Variants in PCDHA7 observed in about 807,000 individuals in gnomAD.
PCDHA7 encodes the protein protocadherin alpha 7.
PCDHA7 carries 37 observed loss-of-function variants against 57.2 expected under a neutral mutation model. The observed-to-expected ratio is 0.65, with a 90% confidence interval of 0.50 to 0.85. The LOEUF is 0.85. Among genes scored for constraint, PCDHA7 ranks in the 40% least tolerant of loss-of-function variants. The pLI, the probability that PCDHA7 is intolerant of heterozygous loss-of-function variation, is 0.00. For synonymous variants in PCDHA7, 553 were observed against 558.8 expected (o/e 0.99, Z 0.15); for missense variants, 1,188 against 1,241.8 (o/e 0.96, Z 0.65).
At chr5:140,969,224 T>A (rs782172299) in intron 1 of PCDHA7, 1 of 1,614,100 alleles carries the variant, frequency 6.2e-7, no homozygotes, top group East Asian at 2.2e-5. Context: ...ACCAGGGCCT[T>A]CGGGAGCCCA....
intron 2 of PCDHA7, 71 bp downstream of exon 2, chr5:140,979,078 A>C (rs2240296): frequency 3.8e-6 from 6 of 1,583,342 alleles, no homozygotes; most frequent in South Asian, 1.1e-5. Flanking sequence ...CTGCATCTCC[A>C]TAGGCCAGAA....
At chr5:140,884,439 C>T (rs1554181562) in intron 1 of PCDHA7, 1 of 1,613,818 alleles carries the variant, frequency 6.2e-7, no homozygotes, top group Non-Finnish European at 8.5e-7. Flanking sequence ...CTGCGGTGCT[C>T]GGCACCGCCC....
intron 1 of PCDHA7, among the ~76,000 whole-genome samples, chr5:140,945,698 T>C (rs530742031): frequency 3.9e-5 from 6 of 152,046 alleles, no homozygotes; most frequent in Non-Finnish European, 8.8e-5. Flanking sequence ...GTCCACTGAT[T>C]TGCAACAAAA....
In PCDHA7 at chr5:140,869,539, A is replaced by G. The variant is rs782023058; in HGVS notation, c.2355+32801A>G. The G allele has an allele frequency of 2.5e-6, 4 of 1,614,088 alleles. No homozygotes were observed. The South Asian group carries it at 3.3e-5, about 13-fold the overall frequency. On this transcript the variant is annotated intron_variant, in intron 1 of 3. Coordinates refer to ENST00000525929, the MANE Select transcript of PCDHA7 (RefSeq NM_018910.3). ...ACAAAAGCTGCTGATTGCGGAATCT[A>G]AGCAATCGGACTCGCGTTTTCCACT...
At chr5:140,980,354 G>A (rs1387213682) in intron 2 of PCDHA7, among the ~76,000 whole-genome samples, 1 of 152,138 alleles carries the variant, frequency 6.6e-6, no homozygotes, top group Non-Finnish European at 1.5e-5. Flanking sequence ...TTCCTGGACT[G>A]GGCGCGGTGG....
intron 1 of PCDHA7, chr5:140,869,865 T>C (rs782263076): frequency 6.2e-7 from 1 of 1,610,308 alleles, no homozygotes; most frequent in Non-Finnish European, 8.5e-7. Context: ...TTATGGAAAA[T>C]GCTGCTAAAG....
chr5:140,986,355 T>C (rs1381730343), intron 3 of PCDHA7, among the ~76,000 whole-genome samples: 3 of 152,154 alleles, frequency 2.0e-5, no homozygotes, highest in African/African-American at 7.2e-5. Context: ...CTTCTTCAGA[T>C]GGAGGAATGC....
chr5:140,904,742 T>G (rs1300439121), intron 1 of PCDHA7, among the ~76,000 whole-genome samples: 1 of 152,216 alleles, frequency 6.6e-6, no homozygotes, highest in African/African-American at 2.4e-5. Context: ...TTTTTTATTA[T>G]GACCATTTTT....
At chr5:140,988,348 A>T (rs2097293800) in intron 3 of PCDHA7, among the ~76,000 whole-genome samples, 1 of 152,116 alleles carries the variant, frequency 6.6e-6, no homozygotes, top group Admixed American at 6.6e-5. Flanking sequence ...TCCTTTTAAG[A>T]TGCACTTTTA....
chr5:140,884,731 C>T (rs2060333216), intron 1 of PCDHA7: 2 of 1,449,296 alleles, frequency 1.4e-6, no homozygotes, highest in East Asian at 4.9e-5. Flanking sequence ...TTGTTTAAGA[C>T]ATCTTTCCTG....
At chr5:140,967,585 C>T (rs1278675624) in intron 1 of PCDHA7, 1 of 1,614,152 alleles carries the variant, frequency 6.2e-7, no homozygotes, top group Non-Finnish European at 8.5e-7. Flanking sequence ...CACCCCCAGG[C>T]ACATTGGTGG....
At chr5:140,846,453 C>G (rs1465090766) in intron 1 of PCDHA7, among the ~76,000 whole-genome samples, 2 of 138,248 alleles carry the variant, frequency 1.4e-5, no homozygotes, top group Non-Finnish European at 3.1e-5. Flanking sequence ...CGGCTCACTG[C>G]AACCTCTGCC....
At chr5:140,869,140 C>A in intron 1 of PCDHA7, 8 of 1,613,188 alleles carry the variant, frequency 5.0e-6, no homozygotes, top group African/African-American at 1.3e-5. Context: ...GGGCACCCCA[C>A]GACTACAGCT....
At chr5:140,882,070 C>A in intron 1 of PCDHA7, 1 of 854,286 alleles carries the variant, frequency 1.2e-6, no homozygotes, top group Non-Finnish European at 1.8e-6. Context: ...CGTTCATGCG[C>A]ATGGTGTCGC....
intron 1 of PCDHA7, among the ~76,000 whole-genome samples, chr5:140,839,392 GA>G (rs2150297449): frequency 1.4e-5 from 2 of 147,944 alleles, no homozygotes; most frequent in African/African-American, 4.9e-5. Context: ...TGATGATGAT[GA>G]TGATTATTAT....
At chr5:140,942,851 G>T (rs1211748532) in intron 1 of PCDHA7, among the ~76,000 whole-genome samples, 2 of 151,980 alleles carry the variant, frequency 1.3e-5, no homozygotes, top group Non-Finnish European at 2.9e-5. Flanking sequence ...CCAGTAAGAT[G>T]ATTATTTTGC....
chr5:140,902,565 T>G (rs571957153), intron 1 of PCDHA7, among the ~76,000 whole-genome samples: 1 of 152,110 alleles, frequency 6.6e-6, no homozygotes. Context: ...TTTTTGAGGG[T>G]TTTTAAGATT....
rs2150253260 is a variant in PCDHA7, at chr5:140,836,120, G to C, written c.1737G>C (p.Glu579Asp). 16 of 1,613,628 alleles carry C rather than the reference G, an allele frequency of 9.9e-6. No individual in the cohort carries two copies. The African/African-American group carries it at 1.7e-4, about 18-fold the overall frequency. ...RVGGTGGAVR[E>D]LVPRSVGAGH... Reference sequence around the variant, plus strand: ...GTGGCACTGGTGGCGCAGTGAGAGAGCTTGTGCCGCGGTCTGTGGGCGCGG... The same window carrying C: ...GTGGCACTGGTGGCGCAGTGAGAGACCTTGTGCCGCGGTCTGTGGGCGCGG... Residue 579 changes from glutamate to aspartate, a missense_variant, in exon 1 of 4, where the codon GAG becomes GAC. Coordinates refer to ENST00000525929, the MANE Select transcript of PCDHA7 (RefSeq NM_018910.3).
At chr5:140,968,236 T>C in intron 1 of PCDHA7, 1 of 1,614,006 alleles carries the variant, frequency 6.2e-7, no homozygotes, top group East Asian at 2.2e-5. Flanking sequence ...TGCTCTGTAC[T>C]GTGCAAGCCA....
Sources: gnomAD v4.1 joint callset for allele counts (sites outside exome capture counted in the v4.1 genomes callset) on GRCh38, gnomAD v4.1.1 for gene constraint, MANE v1.5 for transcripts, NCBI Gene and HGNC (gene_info 2026-07-23, HGNC 2026-07-21) for gene names.